TBC1D31: variants seen among roughly 807,000 people sequenced by gnomAD.
TBC1D31 encodes the protein WD repeat domain 67.
Under a neutral mutation model 132.9 loss-of-function variants are expected in TBC1D31, and 99 were observed. That is an observed-to-expected ratio of 0.74 (90% CI 0.63 to 0.88). The LOEUF (loss-of-function observed/expected upper bound fraction) is 0.88. Ranked by LOEUF, TBC1D31 falls within the 40% of genes least tolerant of loss-of-function variation. The pLI is 0.00. For missense variants in TBC1D31, 1,134 were observed against 1,256.6 expected (o/e 0.90, Z 1.48); for synonymous variants, 385 against 419.4 (o/e 0.92, Z 1.00).
At chr8:123,080,562 GA>G (rs1815040713) in intron 2 of TBC1D31, among the ~76,000 whole-genome samples, 1 of 134,246 alleles carries the variant, frequency 7.4e-6, no homozygotes. Context: ...TTTTGAGACG[GA>G]GTCTCACCCT....
intron 20 of TBC1D31, among the ~76,000 whole-genome samples, chr8:123,148,915 C>T (rs1029803709): frequency 6.6e-6 from 1 of 151,844 alleles, no homozygotes; most frequent in African/African-American, 2.4e-5. Context: ...GGCATGGTGG[C>T]GTGAACCTGT....
chr8:123,120,881 AT>A (rs1022191575), intron 11 of TBC1D31, among the ~76,000 whole-genome samples: 4 of 150,890 alleles, frequency 2.7e-5, no homozygotes, highest in African/African-American at 9.7e-5. Context: ...TTTCATAAAC[AT>A]TTTTTATTGG....
downstream of TBC1D31, among the ~76,000 whole-genome samples, chr8:123,153,411 G>A (rs1308626728): frequency 6.6e-6 from 1 of 152,026 alleles, no homozygotes; most frequent in Non-Finnish European, 1.5e-5. Context: ...TTTATATATA[G>A]AACTGCAGTA....
chr8:123,127,091 T>G (rs1404527113), intron 13 of TBC1D31, among the ~76,000 whole-genome samples: 1 of 152,090 alleles, frequency 6.6e-6, no homozygotes, highest in Non-Finnish European at 1.5e-5. Context: ...CCCTGTTATA[T>G]GTCAGACACT....
intron 20 of TBC1D31, among the ~76,000 whole-genome samples, chr8:123,146,121 C>T (rs1169726601): frequency 2.0e-5 from 3 of 152,232 alleles, no homozygotes; most frequent in African/African-American, 7.2e-5. Flanking sequence ...CCACCCGCCT[C>T]GGCCTCCCAA....
At chr8:123,162,191 C>A in the TBC1D31 span, among the ~76,000 whole-genome samples, 1 of 152,176 alleles carries the variant, frequency 6.6e-6, no homozygotes, top group South Asian at 2.1e-4. Context: ...AGAATACTAT[C>A]CCCCTACAGT....
chr8:123,148,734 C>T (rs1461919009), intron 20 of TBC1D31, among the ~76,000 whole-genome samples: 1 of 152,122 alleles, frequency 6.6e-6, no homozygotes, highest in Non-Finnish European at 1.5e-5. Context: ...GGAGTTATTT[C>T]TGGCCAGGCG....
chr8:123,102,633 C>T (rs1019840288), intron 7 of TBC1D31: 17 of 188,886 alleles, frequency 9.0e-5, no homozygotes, highest in Non-Finnish European at 1.4e-4. Flanking sequence ...TTTGTAACTT[C>T]AAAATTAATA....
chr8:123,076,985 C>CG, intron 1 of TBC1D31, 126 bp from the exon 2 acceptor site: 3 of 806,374 alleles, frequency 3.7e-6, no homozygotes, highest in Non-Finnish European at 5.6e-6. Flanking sequence ...TCTAGAGGAG[C>CG]GGGGGTATAG....
chr8:123,147,683 T>C (rs191303230), intron 20 of TBC1D31, among the ~76,000 whole-genome samples: 9 of 152,246 alleles, frequency 5.9e-5, no homozygotes, highest in Admixed American at 3.3e-4. Context: ...ATTTCACCAA[T>C]AGAGATAATT....
At chr8:123,110,910 C>T (rs981388379) in intron 10 of TBC1D31, among the ~76,000 whole-genome samples, 6 of 152,146 alleles carry the variant, frequency 3.9e-5, no homozygotes, top group African/African-American at 1.4e-4. Flanking sequence ...AATCTATAGA[C>T]TCTGATACCT....
At chr8:123,124,255 A>G (rs148170029) in intron 11 of TBC1D31, among the ~76,000 whole-genome samples, 1 of 152,344 alleles carries the variant, frequency 6.6e-6, no homozygotes, top group East Asian at 1.9e-4. Flanking sequence ...TCACATCTAC[A>G]TATAATTTGG....
At chr8:123,120,221 G>A (rs748562997) in intron 11 of TBC1D31, 33 bp downstream of exon 11, 2 of 1,532,578 alleles carry the variant, frequency 1.3e-6, no homozygotes, top group East Asian at 4.5e-5. Flanking sequence ...ATAAGATCAA[G>A]AATGGATTCT....
intron 8 of TBC1D31, among the ~76,000 whole-genome samples, chr8:123,108,408 T>C (rs1040468750): frequency 2.0e-5 from 3 of 152,190 alleles, no homozygotes; most frequent in African/African-American, 7.2e-5. Context: ...GGAGCTGATG[T>C]CTGTTAGGAT....
chr8:123,122,975 G>A (rs567591076), intron 11 of TBC1D31: 2 of 152,140 alleles, frequency 1.3e-5, no homozygotes, highest in Non-Finnish European at 2.9e-5. Context: ...ATTTCAGAGG[G>A]GAGCAAGTGA....
chr8:123,120,640 C>A (rs1040565320), intron 11 of TBC1D31, among the ~76,000 whole-genome samples: 9 of 151,930 alleles, frequency 5.9e-5, no homozygotes, highest in African/African-American at 2.2e-4. Flanking sequence ...CTACAGCACT[C>A]CAGCCTGGGC....
At chr8:123,088,612 C>T (rs1401406244) in intron 4 of TBC1D31, among the ~76,000 whole-genome samples, 6 of 152,200 alleles carry the variant, frequency 3.9e-5, no homozygotes, top group African/African-American at 1.4e-4. Context: ...CCCCTAAAAA[C>T]GTTAATTCTT....
chr8:123,131,386 A>G (rs1017668045), intron 16 of TBC1D31, among the ~76,000 whole-genome samples: 1 of 146,362 alleles, frequency 6.8e-6, no homozygotes, highest in African/African-American at 2.5e-5. Context: ...AAAAAAAAAA[A>G]GGTTAATTAC....
the TBC1D31 span, among the ~76,000 whole-genome samples, chr8:123,163,737 A>G: frequency 6.6e-6 from 1 of 152,154 alleles, no homozygotes; most frequent in Non-Finnish European, 1.5e-5. Context: ...GGTTACATGG[A>G]TAAGTTCTTT....
Sources: gnomAD v4.1 joint callset for allele counts (sites outside exome capture counted in the v4.1 genomes callset) on GRCh38, gnomAD v4.1.1 for gene constraint, MANE v1.5 for transcripts, NCBI Gene and HGNC (gene_info 2026-07-23, HGNC 2026-07-21) for gene names.